The following PIP5K1B variants were observed in gnomAD, a reference collection of about 807,000 sequenced individuals.
PIP5K1B encodes phosphatidylinositol-4-phosphate 5-kinase type 1 beta.
PIP5K1B carries 42 observed loss-of-function variants against 67.0 expected under a neutral mutation model. That is an observed-to-expected ratio of 0.63 (90% confidence interval 0.49 to 0.81). The LOEUF (loss-of-function observed/expected upper bound fraction) is 0.81. Ranked by LOEUF, PIP5K1B falls within the 30% of genes least tolerant of loss-of-function variation. PIP5K1B has a pLI of 0.00. For missense variants in PIP5K1B, 459 were observed against 646.3 expected, an observed-to-expected ratio of 0.71 and a Z score of 3.14; for synonymous variants, 214 against 231.4, an observed-to-expected ratio of 0.92 and a Z score of 0.68.
intron 14 of PIP5K1B, among the ~76,000 whole-genome samples, chr9:68,985,285 T>C (rs1830053554): frequency 1.3e-5 from 2 of 150,862 alleles, no homozygotes; most frequent in African/African-American, 4.9e-5. Context: ...AGAGTCTCAC[T>C]CTGTCGCCCA....
intron 7 of PIP5K1B, among the ~76,000 whole-genome samples, chr9:68,891,665 G>A (rs948307214): frequency 2.6e-5 from 4 of 152,038 alleles, no homozygotes; most frequent in Non-Finnish European, 5.9e-5. Context: ...ATAGAAAAAA[G>A]TACAAGCACT....
chr9:68,810,092 A>G (rs1054450703), intron 2 of PIP5K1B, among the ~76,000 whole-genome samples: 3 of 152,264 alleles, frequency 2.0e-5, no homozygotes, highest in African/African-American at 7.2e-5. Context: ...CCAAGGCCCA[A>G]ATTATCTTCC....
At chr9:68,873,406 G>C (rs1409883735) in intron 5 of PIP5K1B, among the ~76,000 whole-genome samples, 1 of 149,088 alleles carries the variant, frequency 6.7e-6, no homozygotes, top group Non-Finnish European at 1.5e-5. Flanking sequence ...TTCTGCCTCA[G>C]CCCACCAAAC....
intron 15 of PIP5K1B, among the ~76,000 whole-genome samples, chr9:68,993,719 A>G (rs1181017967): frequency 6.6e-6 from 1 of 152,236 alleles, no homozygotes; most frequent in African/African-American, 2.4e-5. Context: ...TTCAGAAAGA[A>G]GCTAAGTAAA....
chr9:68,976,909 G>A (rs1334322284), intron 14 of PIP5K1B, among the ~76,000 whole-genome samples: 1 of 152,120 alleles, frequency 6.6e-6, no homozygotes, highest in Non-Finnish European at 1.5e-5. Context: ...CTGGGGGTTG[G>A]GGACCCCTGC....
chr9:69,008,439 C>T lies in PIP5K1B; in HGVS notation c.1621-8C>T. On this transcript the variant is annotated splice_region_variant and splice_polypyrimidine_tract_variant and intron_variant, in intron 15 of 15. Coordinates refer to ENST00000265382, the MANE Select transcript of PIP5K1B (RefSeq NM_003558.4). The stretch of plus-strand genomic sequence containing the variant: ...CTAGTCTCACACCTGCTTTTTTGCT[C>T]CCCCCAGTAAGTGAAAATGGTGATC... 6 of 1,612,574 alleles carry T rather than the reference C, an allele frequency of 3.7e-6. No individual in the cohort carries two copies. Among genetic ancestry groups the T allele is most frequent in the South Asian group, 3.3e-5 (3 of 91,028 alleles).
intron 1 of PIP5K1B, chr9:68,728,824 T>C (rs1263495019): frequency 6.6e-6 from 1 of 152,198 alleles, no homozygotes; most frequent in Non-Finnish European, 1.5e-5. Flanking sequence ...GAGAACCTCC[T>C]GCCCTGTGTC....
intron 15 of PIP5K1B, among the ~76,000 whole-genome samples, chr9:68,994,776 T>C (rs769048629): frequency 5.9e-5 from 9 of 152,180 alleles, no homozygotes; most frequent in Non-Finnish European, 8.8e-5. Context: ...CTGGAGTCTG[T>C]GCTGGTCTCT....
intron 14 of PIP5K1B, among the ~76,000 whole-genome samples, chr9:68,979,380 C>T (rs886729838): frequency 2.0e-5 from 3 of 152,192 alleles, no homozygotes; most frequent in Admixed American, 6.5e-5. Flanking sequence ...TCACAGTCAA[C>T]GATGCCTGCT....
At chr9:68,817,501 G>A (rs1833504195) in intron 2 of PIP5K1B, among the ~76,000 whole-genome samples, 1 of 152,204 alleles carries the variant, frequency 6.6e-6, no homozygotes, top group African/African-American at 2.4e-5. Flanking sequence ...CCACAGAAGA[G>A]TGATTGGTTA....
chr9:68,844,660 C>T (rs1822096917), intron 4 of PIP5K1B, among the ~76,000 whole-genome samples: 1 of 152,108 alleles, frequency 6.6e-6, no homozygotes, highest in South Asian at 2.1e-4. Flanking sequence ...GTAGCTCTGA[C>T]ACCAACTTTT....
intron 15 of PIP5K1B, among the ~76,000 whole-genome samples, chr9:69,007,424 G>A (rs909349905): frequency 2.0e-5 from 3 of 152,196 alleles, no homozygotes; most frequent in African/African-American, 7.2e-5. Flanking sequence ...TATATCGTGT[G>A]TGTGTAAAAC....
At chr9:68,778,272 A>G (rs1250856816) in intron 2 of PIP5K1B, among the ~76,000 whole-genome samples, 1 of 152,220 alleles carries the variant, frequency 6.6e-6, no homozygotes, top group African/African-American at 2.4e-5. Flanking sequence ...AACAATATCT[A>G]TGCAGTGAGG....
At chr9:68,802,853 A>T (rs1290474553) in intron 2 of PIP5K1B, among the ~76,000 whole-genome samples, 1 of 152,178 alleles carries the variant, frequency 6.6e-6, no homozygotes, top group African/African-American at 2.4e-5. Context: ...AAAACCTCTG[A>T]GGTTTGCCCT....
intron 4 of PIP5K1B, among the ~76,000 whole-genome samples, chr9:68,858,811 A>G (rs145000408): frequency 4.8e-4 from 73 of 152,362 alleles, no homozygotes; most frequent in African/African-American, 1.6e-3. Flanking sequence ...TTTTAAAGCC[A>G]GTGATATCAG....
chr9:68,877,739 T>C (rs1322218123), intron 6 of PIP5K1B, among the ~76,000 whole-genome samples: 1 of 152,210 alleles, frequency 6.6e-6, no homozygotes, highest in African/African-American at 2.4e-5. Context: ...CCTCTGAATC[T>C]TCTTGTAAAG....
intron 14 of PIP5K1B, among the ~76,000 whole-genome samples, chr9:68,950,582 G>A (rs538504128): frequency 4.1e-4 from 62 of 152,292 alleles, no homozygotes; most frequent in Non-Finnish European, 8.4e-4. Context: ...ACAAAGTAGT[G>A]TTCCCTGTGT....
At chr9:68,948,404 G>A (rs1285350666) in intron 14 of PIP5K1B, among the ~76,000 whole-genome samples, 4 of 152,182 alleles carry the variant, frequency 2.6e-5, no homozygotes, top group African/African-American at 9.7e-5. Context: ...GGTGAGGCAG[G>A]AAGATCTCTT....
intron 14 of PIP5K1B, among the ~76,000 whole-genome samples, chr9:68,970,017 T>C (rs1392380046): frequency 6.6e-6 from 1 of 152,152 alleles, no homozygotes; most frequent in East Asian, 1.9e-4. Context: ...AGCCCTTACT[T>C]ACCCCAACAC....
Sources: allele counts gnomAD v4.1 joint callset (sites outside exome capture counted in the v4.1 genomes callset), GRCh38; gene constraint gnomAD v4.1.1; transcripts MANE v1.5; gene names NCBI Gene and HGNC (gene_info 2026-07-23, HGNC 2026-07-21).